Variants in DDI2 observed in about 807,000 individuals in gnomAD.
DDI2 encodes the protein protein DDI1 homolog 2.
A neutral mutation model predicts 48.1 loss-of-function variants in DDI2; 5 were observed. The observed-to-expected ratio is 0.10, with a 90% CI of 0.05 to 0.22. DDI2 has a LOEUF of 0.22. Ranked by LOEUF, DDI2 falls within the 10% of genes least tolerant of loss-of-function variation. The probability of loss-of-function intolerance (pLI) is 1.00; values close to 1 mark genes in which losing one functional copy is unlikely to be tolerated. For synonymous variants in DDI2, 205 were observed against 183.6 expected (o/e 1.12, Z -0.94); for missense variants, 285 against 506.2 (o/e 0.56, Z 4.19).
intron 2 of DDI2, among the ~76,000 whole-genome samples, chr1:15,627,877 C>T (rs1639782688): frequency 6.6e-6 from 1 of 152,246 alleles, no homozygotes; most frequent in African/African-American, 2.4e-5. Context: ...TTACTGAGAC[C>T]ATCAAGGACC....
intron 8 of DDI2, among the ~76,000 whole-genome samples, chr1:15,652,445 CCGGAG>C (rs1557622544): frequency 5.3e-4 from 4 of 7,538 alleles, no homozygotes; most frequent in African/African-American, 2.2e-3. Context: ...TTGGGAGGCT[CCGGAG>C]GGGGGGGGGG....
At position 15,662,301 on chromosome 1, in the gene DDI2, TA is replaced by T. The variant is rs1640395904; in HGVS notation, c.*2512del. 1 of 152,350 alleles carries T rather than the reference TA, an allele frequency of 6.6e-6. No homozygotes were observed. Among genetic ancestry groups the T allele is most frequent in the South Asian group, 2.1e-4 (1 of 4,844 alleles). The allele number at this position is 152,350 out of a possible 1,614,324, so 9.4% of individuals were successfully genotyped here. ...AATTGAATATCTTATCGTAGAGTGG[TA>T]TGTTTTTATTTGTGTGCTTAGGATT... On this transcript the variant is annotated 3_prime_UTR_variant, in exon 10 of 10. Coordinates refer to ENST00000480945, the MANE Select transcript of DDI2 (RefSeq NM_032341.5).
chr1:15,640,504 C>T (rs890011196), intron 5 of DDI2, among the ~76,000 whole-genome samples: 1 of 152,154 alleles, frequency 6.6e-6, no homozygotes, highest in Admixed American at 6.5e-5. Flanking sequence ...AAATCTCAAC[C>T]ACTGTGCAAA....
At chr1:15,638,265 G>A (rs559355145) in intron 4 of DDI2, 42 bp from the exon 5 acceptor site, 2 of 1,610,466 alleles carry the variant, frequency 1.2e-6, no homozygotes, top group East Asian at 2.2e-5. Context: ...TTCTCTCCAT[G>A]GAATTAATGC....
chr1:15,625,647 T>C (rs1415619931), intron 1 of DDI2, among the ~76,000 whole-genome samples: 3 of 152,118 alleles, frequency 2.0e-5, no homozygotes, highest in Non-Finnish European at 4.4e-5. Context: ...CCCACCAAGA[T>C]GGAATCTTGC....
rs180759124 is a variant in DDI2, at chr1:15,619,704, G to A, written c.138+1896G>A. On this transcript the variant is annotated intron_variant, in intron 1 of 9. Coordinates refer to ENST00000480945, the MANE Select transcript of DDI2 (RefSeq NM_032341.5). ...TCTCGATCTCCTGACCTCGTGGTCTGCCCGCCTCGGCCTTCCAAAGTGCTG... is the reference window on the plus strand; with the variant it reads ...TCTCGATCTCCTGACCTCGTGGTCTACCCGCCTCGGCCTTCCAAAGTGCTG... Among the ~76,000 whole-genome samples the A allele has an allele frequency of 1.9e-4, 29 of 152,114 alleles. No homozygotes were observed. In the East Asian group the frequency reaches 3.9e-3, roughly 20 times the overall value.
chr1:15,659,968 T>A lies in DDI2; in HGVS notation c.*178T>A, dbSNP rs1640336959. ...TCCTATGAGTCTTGCTCGCTCTGTC[T>A]CTGCTTCAGTCTGCCCTATCAAGCC... On this transcript the variant is annotated 3_prime_UTR_variant, in exon 10 of 10. Transcript: ENST00000480945. 6.2e-7 allele frequency: 1 copy of A among 1,614,108 alleles called. No individual in the cohort carries two copies. Among genetic ancestry groups the A allele is most frequent in the Non-Finnish European group, 8.5e-7 (1 of 1,180,046 alleles).
chr1:15,638,396 A>C lies in DDI2; in HGVS notation c.722A>C (p.Lys241Thr). 1 of 1,614,022 alleles carries C rather than the reference A, an allele frequency of 6.2e-7. No individual in the cohort carries two copies. Among genetic ancestry groups the C allele is most frequent in the Non-Finnish European group, 8.5e-7 (1 of 1,179,942 alleles). ...GQVVMLYINC[K>T]VNGHPVKAFV... ...GTAGTGATGCTTTATATTAACTGCA[A>C]AGTGAATGGACATCCTGTGAAAGCC... The change falls in exon 5 of 10, where the codon AAA (lysine) becomes ACA (threonine). Residue 241 changes from lysine (K) to threonine (T), a missense_variant. By Grantham distance (78) the Lys-to-Thr change is moderately conservative. This residue lies in a region of DDI2 where 70 missense variants were observed against 182.3 expected (regional missense o/e 0.38). Coordinates refer to ENST00000480945, the MANE Select transcript of DDI2 (RefSeq NM_032341.5).
intron 5 of DDI2, among the ~76,000 whole-genome samples, chr1:15,641,346 C>T (rs956608608): frequency 6.6e-6 from 1 of 151,852 alleles, no homozygotes; most frequent in South Asian, 2.1e-4. Flanking sequence ...TGGTGGCACA[C>T]CTGTAATCCC....
In DDI2 at chr1:15,663,826, G is replaced by C. The variant is rs1640414049; in HGVS notation, c.*4036G>C. On this transcript the variant is annotated 3_prime_UTR_variant, in exon 10 of 10. Coordinates refer to ENST00000480945, the MANE Select transcript of DDI2 (RefSeq NM_032341.5). ...GTGGGGGAACTTACTGATGACAATA[G>C]ACTCCCTCCTAAAGGGCCTTCCATG... is the stretch of plus-strand genomic sequence containing the variant. The C allele has an allele frequency of 6.6e-6, 1 of 152,116 alleles. No individual in the cohort carries two copies. The highest frequency in any genetic ancestry group is 6.6e-5 in the Admixed American group (1 of 15,262). 9.4% of individuals were successfully genotyped at this position (152,116 alleles called of 1,614,324 possible). A position where few individuals can be genotyped will look rare whatever the true frequency, so the allele number is the denominator to read the frequency against.
At chr1:15,618,012 CGAGGA>C (rs954606163) in intron 1 of DDI2, among the ~76,000 whole-genome samples, 2 of 152,164 alleles carry the variant, frequency 1.3e-5, no homozygotes, top group African/African-American at 4.8e-5. Flanking sequence ...GGGTGGGGTA[CGAGGA>C]GAGGGAGCGG....
chr1:15,620,123 T>G (rs1639634606), intron 1 of DDI2, among the ~76,000 whole-genome samples: 1 of 152,196 alleles, frequency 6.6e-6, no homozygotes. Context: ...GTTTCGGCAT[T>G]TACTTCCTTC....
chr1:15,656,501 G>A, intron 8 of DDI2, 116 bp from the exon 9 acceptor site: 1 of 1,597,872 alleles, frequency 6.3e-7, no homozygotes. Context: ...CCCTCAACTT[G>A]GAATCTACCA....
chr1:15,642,546 G>A (rs1640026840), intron 5 of DDI2, among the ~76,000 whole-genome samples: 1 of 152,152 alleles, frequency 6.6e-6, no homozygotes, highest in Admixed American at 6.6e-5. Context: ...CCACTCCTTG[G>A]CTCAGGTGAT....
In DDI2 at chr1:15,651,736, G is replaced by A. The variant is rs1193604934; in HGVS notation, c.1024G>A (p.Val342Met). Residue 342 changes from valine (V) to methionine (M), a missense_variant, in exon 8 of 10, where the codon GTG becomes ATG. Transcript: ENST00000480945. ...CSIDLKKNVL[V>M]IGTTGSQTTF... is the part of the protein sequence containing the mutation. ...CATCGACCTGAAGAAAAATGTACTC[G>A]TGATCGGCACCACAGGCTCCCAGAC... The A allele has an allele frequency of 1.2e-6, 2 of 1,611,346 alleles. No individual in the cohort carries two copies. Among genetic ancestry groups the A allele is most frequent in the East Asian group, 2.2e-5 (1 of 44,820 alleles).
In DDI2 at chr1:15,650,465, C is replaced by G. The variant is rs115075836; in HGVS notation, c.993+642C>G. On this transcript the variant is annotated intron_variant, in intron 7 of 9. Transcript: ENST00000480945. Reference sequence around the variant, plus strand: ...TAGGGTTTTATATCCAGTCAACCTGCCAGGTACAGTGGTACATGCCTGTAA... The same window carrying G: ...TAGGGTTTTATATCCAGTCAACCTGGCAGGTACAGTGGTACATGCCTGTAA... 8.8e-3 allele frequency among the ~76,000 whole-genome samples: 1,333 copies of G among 152,182 alleles called. 19 individuals carry two copies. Among genetic ancestry groups the G allele is most frequent in the African/African-American group, 0.029 (1,221 of 41,504 alleles).
chr1:15,627,308 A>G (rs1038250632), intron 2 of DDI2, among the ~76,000 whole-genome samples: 2 of 152,188 alleles, frequency 1.3e-5, no homozygotes, highest in Admixed American at 1.3e-4. Flanking sequence ...TGAAGCTCAG[A>G]TTTTAAATGG....
At chr1:15,627,803 C>G (rs1274011566) in intron 2 of DDI2, among the ~76,000 whole-genome samples, 7 of 152,146 alleles carry the variant, frequency 4.6e-5, no homozygotes, top group African/African-American at 1.7e-4. Context: ...CTGGCAGAGT[C>G]TGGGTGATGA....
At chr1:15,633,209 A>G (rs1189736465) in intron 3 of DDI2, among the ~76,000 whole-genome samples, 4 of 152,160 alleles carry the variant, frequency 2.6e-5, no homozygotes, top group African/African-American at 4.8e-5. Flanking sequence ...GATTATAGGC[A>G]TGAGCTACCA....
Sources: gnomAD v4.1 joint callset for allele counts (sites outside exome capture counted in the v4.1 genomes callset) on GRCh38, gnomAD v4.1.1 for gene constraint, gnomAD v4.1.1 regional missense constraint, MANE v1.5 for transcripts, NCBI Gene and HGNC (gene_info 2026-07-23, HGNC 2026-07-21) for gene names.